The following NDUFAF6 variants were observed in gnomAD, a reference collection of about 807,000 sequenced individuals.
NDUFAF6 encodes the protein NADH:ubiquinone oxidoreductase complex assembly factor 6.
In NDUFAF6, 45 loss-of-function variants were observed where a neutral mutation model predicts 40.8. The observed-to-expected ratio is 1.10, with a 90% CI of 0.87 to 1.42. NDUFAF6 has a LOEUF of 1.42. Ranked by LOEUF, NDUFAF6 falls within the 40% of genes most tolerant of loss-of-function variation. The pLI is 0.00. For missense variants in NDUFAF6, 435 were observed against 418.5 expected (o/e 1.04, Z -0.34); for synonymous variants, 185 against 155.9 (o/e 1.19, Z -1.39).
At chr8:94,936,429 A>C (rs1820983916) in intron 1 of NDUFAF6, among the ~76,000 whole-genome samples, 1 of 152,190 alleles carries the variant, frequency 6.6e-6, no homozygotes, top group Admixed American at 6.5e-5. Context: ...TGACTGACAA[A>C]GAGCTGCTTG....
downstream of NDUFAF6, among the ~76,000 whole-genome samples, chr8:95,104,934 G>T (rs538776188): frequency 4.6e-5 from 7 of 152,166 alleles, no homozygotes; most frequent in Non-Finnish European, 8.8e-5. Flanking sequence ...GGAAACAAAA[G>T]GATGCCCAGA....
intron 2 of NDUFAF6, among the ~76,000 whole-genome samples, chr8:95,016,584 A>G (rs915816337): frequency 2.6e-5 from 4 of 152,172 alleles, no homozygotes; most frequent in African/African-American, 7.2e-5. Flanking sequence ...TCTACTAAAA[A>G]TACAAAAATT....
chr8:94,940,188 C>T (rs975403876), intron 1 of NDUFAF6: 1 of 1,612,934 alleles, frequency 6.2e-7, no homozygotes, highest in Admixed American at 1.7e-5. Context: ...TCCTCTTCTT[C>T]TTCTTCTTCT....
intron 2 of NDUFAF6, among the ~76,000 whole-genome samples, chr8:94,949,000 A>T (rs1334692928): frequency 1.3e-4 from 20 of 148,874 alleles, no homozygotes; most frequent in Admixed American, 1.3e-3. Context: ...CGGCGAGGGG[A>T]GGCAGCGAGG....
At chr8:94,998,379 TACACAC>T (rs200968954) in intron 2 of NDUFAF6, among the ~76,000 whole-genome samples, 1,619 of 138,396 alleles carry the variant, frequency 0.012, 26 homozygotes, top group African/African-American at 0.036. Context: ...TGCAATCAAA[TACACAC>T]ACACACACAC....
At chr8:94,978,818 TAGAA>T (rs1825178910) in intron 1 of NDUFAF6, among the ~76,000 whole-genome samples, 1 of 152,070 alleles carries the variant, frequency 6.6e-6, no homozygotes, top group Non-Finnish European at 1.5e-5. Flanking sequence ...GTAGCCAAGT[TAGAA>T]AGAAGTGTGG....
At chr8:95,016,540 C>A (rs1255668434) in intron 2 of NDUFAF6, among the ~76,000 whole-genome samples, 2 of 152,184 alleles carry the variant, frequency 1.3e-5, no homozygotes, top group Middle Eastern at 3.4e-3. Flanking sequence ...GTCAAGAGAT[C>A]GAGACCATCC....
At chr8:94,999,466 G>A (rs1273052082) in intron 2 of NDUFAF6, among the ~76,000 whole-genome samples, 4 of 151,662 alleles carry the variant, frequency 2.6e-5, no homozygotes, top group Non-Finnish European at 4.4e-5. Flanking sequence ...TACCCAGGCT[G>A]GGTGCAGTGG....
chr8:94,951,370 C>CA (rs1822603268), intron 2 of NDUFAF6: 1 of 152,308 alleles, frequency 6.6e-6, no homozygotes, highest in African/African-American at 2.4e-5. Context: ...GCATTGTGAA[C>CA]AAATAAATGA....
At chr8:94,985,154 A>G (rs888713535) in intron 2 of NDUFAF6, among the ~76,000 whole-genome samples, 1 of 151,982 alleles carries the variant, frequency 6.6e-6, no homozygotes, top group Non-Finnish European at 1.5e-5. Flanking sequence ...CTAATCAAAA[A>G]AGACTCTATA....
At chr8:94,909,829 CAT>C (rs1274799408) in intron 1 of NDUFAF6, among the ~76,000 whole-genome samples, 137 of 139,184 alleles carry the variant, frequency 9.8e-4, no homozygotes, top group Middle Eastern at 3.7e-3. Context: ...CACACACACA[CAT>C]ATATATATAT....
At chr8:94,929,878 A>G (rs1171995079) in intron 1 of NDUFAF6, 1 of 152,722 alleles carries the variant, frequency 6.5e-6, no homozygotes, top group Admixed American at 6.5e-5. Flanking sequence ...AATGTACCTG[A>G]ATTCCAAATG....
downstream of NDUFAF6, among the ~76,000 whole-genome samples, chr8:95,060,037 G>A (rs1283798927): frequency 5.3e-5 from 7 of 131,848 alleles, no homozygotes; most frequent in African/African-American, 1.6e-4. Context: ...TTAAAAGGAG[G>A]GTTTAATTAC....
Position 94,974,150 on chromosome 8 carries a change from A to C in NDUFAF6, c.-198-6709A>C, listed in dbSNP as rs909167396. 3.9e-5 allele frequency among the ~76,000 whole-genome samples: 6 copies of C among 152,050 alleles called. No homozygotes were observed. In the South Asian group the frequency reaches 6.2e-4, roughly 16 times the overall value. On this transcript the variant is annotated intron_variant, in intron 1 of 9. Transcript: ENST00000396111. Reference sequence around the variant, plus strand: ...CAGGAACTGGAAGGTCATTCAGGGCACTGACCAGCTCTTGTGGCCATACCA... The same window carrying C: ...CAGGAACTGGAAGGTCATTCAGGGCCCTGACCAGCTCTTGTGGCCATACCA...
At position 94,921,872 on chromosome 8, in the gene NDUFAF6, CAA is replaced by C. The variant is rs536999727; in HGVS notation, c.-935-23609_-935-23608del. 3.3e-5 allele frequency among the ~76,000 whole-genome samples: 5 copies of C among 152,332 alleles called. No homozygotes were observed. In the South Asian group the frequency reaches 1.0e-3, roughly 32 times the overall value. On this transcript the variant is annotated intron_variant, in intron 1 of 14. Coordinates refer to the NDUFAF6 transcript ENST00000396113. ...CAGCAGTGGTTTAGGGCAATGGTCT[CAA>C]AGTGTATTCCCTGGAATAGTAGTGG...
upstream of NDUFAF6, among the ~76,000 whole-genome samples, chr8:95,020,395 T>C (rs1453162795): frequency 7.2e-5 from 11 of 152,250 alleles, no homozygotes; most frequent in Non-Finnish European, 1.5e-4. Context: ...TATTCTGCCC[T>C]TCTTAAACTT....
upstream of NDUFAF6, among the ~76,000 whole-genome samples, chr8:95,100,074 A>C (rs140766428): frequency 1.0e-3 from 154 of 152,104 alleles, 2 homozygotes; most frequent in Middle Eastern, 6.8e-3. Flanking sequence ...CTCATCTAGA[A>C]ATTGATTTAA....
chr8:94,898,697 G>A (rs757221996), intron 1 of NDUFAF6, among the ~76,000 whole-genome samples: 1 of 152,144 alleles, frequency 6.6e-6, no homozygotes, highest in African/African-American at 2.4e-5. Flanking sequence ...AAGGAGTGAG[G>A]AGTGATCTTT....
At chr8:94,906,931 CATT>C (rs1452583008) in intron 1 of NDUFAF6, among the ~76,000 whole-genome samples, 3 of 152,218 alleles carry the variant, frequency 2.0e-5, no homozygotes, top group African/African-American at 4.8e-5. Context: ...GCACCGTCAA[CATT>C]ATGTATCCAG....
Sources: allele counts gnomAD v4.1 joint callset (sites outside exome capture counted in the v4.1 genomes callset), GRCh38; gene constraint gnomAD v4.1.1; transcripts MANE v1.5; gene names NCBI Gene and HGNC (gene_info 2026-07-23, HGNC 2026-07-21).